AGGF1: variants seen among roughly 807,000 people sequenced by gnomAD.
The protein encoded by AGGF1 is angiogenic factor with G patch and FHA domains 1.
A neutral mutation model predicts 86.5 loss-of-function variants in AGGF1; 56 were observed. The observed-to-expected ratio is 0.65, with a 90% CI of 0.52 to 0.81. The LOEUF (loss-of-function observed/expected upper bound fraction) is 0.81. Among genes scored for constraint, AGGF1 ranks in the 30% least tolerant of loss-of-function variants. The probability of loss-of-function intolerance (pLI) is 0.00; values close to 1 mark genes in which losing one functional copy is unlikely to be tolerated. For missense variants in AGGF1, 816 were observed against 850.9 expected, an observed-to-expected ratio of 0.96 and a Z score of 0.51; for synonymous variants, 313 against 297.1, an observed-to-expected ratio of 1.05 and a Z score of -0.55.
intron 5 of AGGF1, among the ~76,000 whole-genome samples, chr5:77,040,265 C>G (rs956361027): frequency 6.6e-6 from 1 of 151,992 alleles, no homozygotes; most frequent in Non-Finnish European, 1.5e-5. Context: ...TGCACCAACA[C>G]GTCTGGCTAA....
intron 13 of AGGF1, 107 bp from the exon 14 acceptor site, chr5:77,062,945 C>T: frequency 8.7e-7 from 1 of 1,152,078 alleles, no homozygotes; most frequent in Non-Finnish European, 1.3e-6. Context: ...TTTTCTTTTG[C>T]ATCAATCTTT....
rs1746885179 is a variant in AGGF1, at chr5:77,032,477, T to C, written c.210+1501T>C. ...CCAGCTACAGGCTGAGGCAGGAGAA[T>C]GGCGTGAACCCGGGAGGCGGAGCTT... On this transcript the variant is annotated intron_variant, in intron 1 of 13. Transcript: ENST00000312916. Among the ~76,000 whole-genome samples the C allele has an allele frequency of 3.5e-5, 5 of 141,070 alleles. No homozygotes were observed. The South Asian group carries it at 1.1e-3, about 32-fold the overall frequency. The allele number at this position is 141,070 out of a possible 152,430, so 92.5% of individuals were successfully genotyped here.
chr5:77,036,552 A>G lies in AGGF1; in HGVS notation c.517-4A>G, dbSNP rs759356216. ...CTTATTTGGCATGACTATATCTTTTATAGGAGCCAGCATCTGCATTAGCAA... is the reference window on the plus strand; with the variant it reads ...CTTATTTGGCATGACTATATCTTTTGTAGGAGCCAGCATCTGCATTAGCAA... On this transcript the variant is annotated splice_polypyrimidine_tract_variant and splice_region_variant and intron_variant, in intron 3 of 13. Coordinates refer to ENST00000312916, the MANE Select transcript of AGGF1 (RefSeq NM_018046.5). The G allele has an allele frequency of 6.2e-7, 1 of 1,614,068 alleles. No homozygotes were observed. Among genetic ancestry groups the G allele is most frequent in the South Asian group, 1.1e-5 (1 of 91,080 alleles).
intron 12 of AGGF1, among the ~76,000 whole-genome samples, chr5:77,061,117 G>A (rs964024254): frequency 1.3e-5 from 2 of 152,028 alleles, no homozygotes; most frequent in Non-Finnish European, 2.9e-5. Context: ...TAAGTATATA[G>A]CTCAATGATA....
chr5:77,052,507 G>T (rs1438408025), intron 8 of AGGF1, among the ~76,000 whole-genome samples, 199 bp from the exon 9 acceptor site: 3 of 152,140 alleles, frequency 2.0e-5, no homozygotes, highest in African/African-American at 7.2e-5. Context: ...GTAATTAAAG[G>T]TAGATTTATA....
Position 77,030,885 on chromosome 5 carries a change from A to G in AGGF1, c.119A>G (p.Lys40Arg), listed in dbSNP as rs1483592478. Residue 40 changes from lysine to arginine, a missense_variant, in exon 1 of 14, where the codon AAG becomes AGG. This residue lies in a region of AGGF1 where 240 missense variants were observed against 234.4 expected (regional missense o/e 1.02). Coordinates refer to ENST00000312916, the MANE Select transcript of AGGF1 (RefSeq NM_018046.5). Reference sequence around the variant, plus strand: ...TTGGAACGTGAACTGCGGAGCTGCAAGCGGCAGGTGCGGGAGATCGAGAAG... The same window carrying G: ...TTGGAACGTGAACTGCGGAGCTGCAGGCGGCAGGTGCGGGAGATCGAGAAG... ...EKLERELRSC[K>R]RQVREIEKLL... 1.9e-6 allele frequency: 3 copies of G among 1,613,512 alleles called. No homozygotes were observed. Among genetic ancestry groups the G allele is most frequent in the African/African-American group, 2.7e-5 (2 of 75,060 alleles).
chr5:77,051,432 CA>C (rs34184166), intron 8 of AGGF1, among the ~76,000 whole-genome samples: 31,599 of 110,750 alleles, frequency 0.29, 3,595 homozygotes, highest in Admixed American at 0.35. Flanking sequence ...GATTCCATCT[CA>C]AAAAAAAAAA....
At chr5:77,056,510 G>A (rs1747464341) in intron 11 of AGGF1, among the ~76,000 whole-genome samples, 1 of 151,174 alleles carries the variant, frequency 6.6e-6, no homozygotes, top group African/African-American at 2.4e-5. Flanking sequence ...TTACAGGTGC[G>A]AGCCACTGTG....
At chr5:77,060,576 C>T (rs1162489374) in intron 12 of AGGF1, among the ~76,000 whole-genome samples, 1 of 151,930 alleles carries the variant, frequency 6.6e-6, no homozygotes, top group African/African-American at 2.4e-5. Flanking sequence ...CATTTTTTTC[C>T]TCAGAATATA....
At chr5:77,054,719 T>C (rs902078752) in intron 10 of AGGF1, among the ~76,000 whole-genome samples, 3 of 152,164 alleles carry the variant, frequency 2.0e-5, no homozygotes, top group Non-Finnish European at 4.4e-5. Flanking sequence ...TCAATTAAAA[T>C]AATTTAAAAA....
intron 5 of AGGF1, among the ~76,000 whole-genome samples, chr5:77,042,049 C>G (rs1400314569): frequency 1.3e-5 from 2 of 150,972 alleles, no homozygotes; most frequent in African/African-American, 4.9e-5. Context: ...ATCTGTTTAA[C>G]AAAGCACATC....
chr5:77,054,792 T>C (rs1747432232), intron 10 of AGGF1, among the ~76,000 whole-genome samples: 1 of 152,166 alleles, frequency 6.6e-6, no homozygotes, highest in Non-Finnish European at 1.5e-5. Context: ...TATGTATTGA[T>C]GTAAAAAAAG....
chr5:77,041,648 C>G (rs1336705887), intron 5 of AGGF1, among the ~76,000 whole-genome samples: 1 of 151,290 alleles, frequency 6.6e-6, no homozygotes. Context: ...TGTAGGGCTC[C>G]TCAAATGGCC....
intron 5 of AGGF1, among the ~76,000 whole-genome samples, chr5:77,040,822 T>C (rs1406544095): frequency 1.3e-5 from 2 of 152,200 alleles, no homozygotes; most frequent in East Asian, 1.9e-4. Context: ...CCTATCTCTG[T>C]CCTGTCTTGT....
rs1489802525 is a variant in AGGF1 at position 77,030,639 on chromosome 5, C to T, written c.-128C>T. ...TTCAGGGCGTCATGGCCAGGGGCCA[C>T]CGCGGCCAGCCGGGTGTGAGGCTGC... On this transcript the variant is annotated 5_prime_UTR_variant, in exon 1 of 14. Transcript: ENST00000312916. The T allele has an allele frequency of 9.0e-7, 1 of 1,111,846 alleles. No homozygotes were observed. The highest frequency in any genetic ancestry group is 1.3e-5 in the South Asian group (1 of 74,634). 68.9% of individuals were successfully genotyped at this position (1,111,846 alleles called of 1,614,324 possible). A position where few individuals can be genotyped will look rare whatever the true frequency, so the allele number is the denominator to read the frequency against.
intron 4 of AGGF1, among the ~76,000 whole-genome samples, chr5:77,038,118 A>G (rs948071044): frequency 6.6e-6 from 1 of 152,208 alleles, no homozygotes; most frequent in African/African-American, 2.4e-5. Context: ...AAATATCTCA[A>G]TTAACATAAG....
intron 6 of AGGF1, among the ~76,000 whole-genome samples, chr5:77,047,770 G>A (rs993473703): frequency 4.0e-5 from 6 of 150,402 alleles, no homozygotes; most frequent in South Asian, 2.1e-4. Flanking sequence ...TGCCTGCGTC[G>A]GCCCCCCAAA....
intron 11 of AGGF1, among the ~76,000 whole-genome samples, chr5:77,058,390 G>A (rs73764640): frequency 5.3e-5 from 8 of 152,222 alleles, no homozygotes; most frequent in Non-Finnish European, 1.0e-4. Context: ...TATACTTCAA[G>A]AAGATGTGGA....
chr5:77,036,994 C>T (rs982872657), intron 4 of AGGF1, among the ~76,000 whole-genome samples: 12 of 152,186 alleles, frequency 7.9e-5, no homozygotes, highest in African/African-American at 2.9e-4. Flanking sequence ...CTGTATGATA[C>T]ATACTCAGTG....
Sources: gnomAD v4.1 joint callset for allele counts (sites outside exome capture counted in the v4.1 genomes callset) on GRCh38, gnomAD v4.1.1 for gene constraint, gnomAD v4.1.1 regional missense constraint, MANE v1.5 for transcripts, NCBI Gene and HGNC (gene_info 2026-07-23, HGNC 2026-07-21) for gene names.